P4HA1: variants seen among roughly 807,000 people sequenced by gnomAD.
P4HA1 encodes prolyl 4-hydroxylase subunit alpha 1.
A neutral mutation model predicts 72.8 loss-of-function variants in P4HA1; 24 were observed. The ratio of observed to expected loss-of-function variants is 0.33; its 90% confidence interval spans 0.24 to 0.46. P4HA1 has a LOEUF of 0.46. Among genes scored for constraint, P4HA1 ranks in the 20% least tolerant of loss-of-function variants. The pLI, the probability that P4HA1 is intolerant of heterozygous loss-of-function variation, is 1.00. For missense variants in P4HA1, 446 were observed against 640.6 expected, an observed-to-expected ratio of 0.70 and a Z score of 3.28; for synonymous variants, 201 against 218.8, an observed-to-expected ratio of 0.92 and a Z score of 0.72.
At position 73,014,491 on chromosome 10, in the gene P4HA1, T is replaced by C. The variant is rs369706105; in HGVS notation, c.1303-202A>G. Among the ~76,000 whole-genome samples the C allele has an allele frequency of 1.4e-4, 22 of 152,272 alleles. No individual in the cohort carries two copies. In the East Asian group the frequency reaches 4.0e-3, roughly 28 times the overall value. ...TCTTGCTATGTGGACCAGGGTGATC[T>C]TGAACTCCTGGCCTCAAGCGATCCT... On this transcript the variant is annotated intron_variant, in intron 11 of 14. Coordinates refer to ENST00000394890, the MANE Select transcript of P4HA1 (RefSeq NM_001017962.3).
intron 8 of P4HA1, 29 bp from the exon 9 acceptor site, chr10:73,045,080 A>T (rs200525601): frequency 4.4e-6 from 7 of 1,590,156 alleles, no homozygotes; most frequent in African/African-American, 1.3e-5. Flanking sequence ...AAATAGTTGC[A>T]TTACAAAACA....
chr10:73,068,688 A>C (rs1179542170), intron 5 of P4HA1, among the ~76,000 whole-genome samples, 158 bp downstream of exon 5: 1 of 152,192 alleles, frequency 6.6e-6, no homozygotes, highest in African/African-American at 2.4e-5. Flanking sequence ...TTAAGCCCTA[A>C]GAGAAAGGGA....
chr10:73,018,635 G>T (rs1439859608), intron 10 of P4HA1, among the ~76,000 whole-genome samples: 1 of 151,984 alleles, frequency 6.6e-6, no homozygotes, highest in East Asian at 1.9e-4. Context: ...CTCATCCAGG[G>T]CACCTCATCA....
At chr10:73,025,425 G>A (rs143298142) in intron 10 of P4HA1, among the ~76,000 whole-genome samples, 2 of 152,274 alleles carry the variant, frequency 1.3e-5, no homozygotes, top group Non-Finnish European at 2.9e-5. Flanking sequence ...AGCCCTTCAT[G>A]CTGAAAATGC....
chr10:73,086,682 C>T (rs973637809), intron 1 of P4HA1, among the ~76,000 whole-genome samples: 13 of 152,158 alleles, frequency 8.5e-5, no homozygotes, highest in South Asian at 4.2e-4. Context: ...CCTGTAATCC[C>T]GGCACTTTGG....
At chr10:73,022,267 G>T (rs1840153677) in intron 10 of P4HA1, among the ~76,000 whole-genome samples, 1 of 152,176 alleles carries the variant, frequency 6.6e-6, no homozygotes, top group Non-Finnish European at 1.5e-5. Context: ...ATACAGGCGG[G>T]TGCCCCTCTG....
At chr10:73,077,034 C>T (rs1319957988) in intron 1 of P4HA1, among the ~76,000 whole-genome samples, 1 of 152,220 alleles carries the variant, frequency 6.6e-6, no homozygotes. Flanking sequence ...CTTCCAGAAC[C>T]ACACAGTAAG....
intron 1 of P4HA1, among the ~76,000 whole-genome samples, chr10:73,088,372 G>A (rs1427216054): frequency 1.3e-5 from 2 of 152,270 alleles, no homozygotes; most frequent in African/African-American, 4.8e-5. Flanking sequence ...CTTGGTATTG[G>A]TGTAAAGTTG....
intron 3 of P4HA1, among the ~76,000 whole-genome samples, chr10:73,072,422 A>C (rs1277317201): frequency 2.0e-5 from 3 of 152,210 alleles, no homozygotes; most frequent in Non-Finnish European, 2.9e-5. Context: ...CAGTAAATGG[A>C]ACCTCCCTGT....
At chr10:73,054,486 C>T (rs1350003620) in intron 5 of P4HA1, among the ~76,000 whole-genome samples, 1 of 152,190 alleles carries the variant, frequency 6.6e-6, no homozygotes, top group Non-Finnish European at 1.5e-5. Flanking sequence ...CCCCACCTTG[C>T]CCCAGCCCTA....
chr10:73,084,882 G>A (rs1430257613), intron 1 of P4HA1, among the ~76,000 whole-genome samples: 1 of 152,188 alleles, frequency 6.6e-6, no homozygotes, highest in Non-Finnish European at 1.5e-5. Context: ...CCACCAAGGT[G>A]CAATCCCAGC....
chr10:73,087,804 T>C (rs1186957222), intron 1 of P4HA1, among the ~76,000 whole-genome samples: 1 of 152,134 alleles, frequency 6.6e-6, no homozygotes, highest in Admixed American at 6.5e-5. Context: ...GAGTTCCTTA[T>C]ACAGTCTATT....
intron 10 of P4HA1, among the ~76,000 whole-genome samples, chr10:73,019,538 T>C (rs1354991143): frequency 2.6e-5 from 4 of 151,784 alleles, no homozygotes; most frequent in African/African-American, 4.8e-5. Flanking sequence ...AAACAATTCA[T>C]GATATGAATC....
rs548043709 is a variant in P4HA1, at chr10:73,087,293, G to A, written c.-33+9473C>T. ...ATTTTTTTTTTTTTTTTTTGAGACA[G>A]AGTCTCACTCTGTCGCCCAGGCTGG... On this transcript the variant is annotated intron_variant, in intron 1 of 14. Coordinates refer to ENST00000394890, the MANE Select transcript of P4HA1 (RefSeq NM_001017962.3). Among the ~76,000 whole-genome samples the A allele has an allele frequency of 2.6e-4, 36 of 136,212 alleles. 1 individual carries two copies. Among genetic ancestry groups the A allele is most frequent in the African/African-American group, 8.9e-4 (33 of 37,180 alleles). 89.4% of individuals were successfully genotyped at this position (136,212 alleles called of 152,430 possible). A position where few individuals can be genotyped will look rare whatever the true frequency, so the allele number is the denominator to read the frequency against.
chr10:73,059,069 C>T (rs916896455), intron 5 of P4HA1, among the ~76,000 whole-genome samples: 3 of 151,916 alleles, frequency 2.0e-5, no homozygotes, highest in Non-Finnish European at 4.4e-5. Flanking sequence ...TGAGCCACCA[C>T]GCCCAGCCAG....
chr10:73,016,060 T>C (rs1324748864), intron 11 of P4HA1, among the ~76,000 whole-genome samples: 2 of 152,168 alleles, frequency 1.3e-5, no homozygotes, highest in African/African-American at 4.8e-5. Context: ...GGCCCTGACT[T>C]TGGGCTTCTG....
chr10:73,090,649 T>C (rs949075437), intron 1 of P4HA1, among the ~76,000 whole-genome samples: 1 of 139,232 alleles, frequency 7.2e-6, no homozygotes, highest in Non-Finnish European at 1.5e-5. Flanking sequence ...TACTTATTAC[T>C]ATCACTCTAC....
rs1035360705 is a variant in P4HA1, at chr10:73,094,837, AT to A, written c.-33+1928del. On this transcript the variant is annotated intron_variant, in intron 1 of 14. Coordinates refer to ENST00000394890, the MANE Select transcript of P4HA1 (RefSeq NM_001017962.3). ...TTTTTTTCAATAGTCTTTTGCACTA[AT>A]TTTTTTGGCATAATTAAAAGTTGTA... Among the ~76,000 whole-genome samples the A allele has an allele frequency of 5.9e-5, 9 of 152,144 alleles. No homozygotes were observed. The East Asian group carries it at 7.7e-4, about 13-fold the overall frequency.
intron 14 of P4HA1, among the ~76,000 whole-genome samples, chr10:73,008,974 A>G (rs1333932932): frequency 6.6e-6 from 1 of 151,994 alleles, no homozygotes; most frequent in South Asian, 2.1e-4. Context: ...TCTCAAATCT[A>G]TTTGCTCTCC....
Sources: allele counts gnomAD v4.1 joint callset (sites outside exome capture counted in the v4.1 genomes callset), GRCh38; gene constraint gnomAD v4.1.1; transcripts MANE v1.5; gene names NCBI Gene and HGNC (gene_info 2026-07-23, HGNC 2026-07-21).